The following SAMD12 variants were observed in gnomAD, a reference collection of about 807,000 sequenced individuals.
SAMD12 encodes the protein sterile alpha motif domain containing 12, also known as sterile alpha motif domain-containing protein 12.
A neutral mutation model predicts 15.0 loss-of-function variants in SAMD12; 9 were observed. That is an observed-to-expected ratio of 0.60 (90% CI 0.36 to 1.05). The LOEUF is 1.05. Ranked by LOEUF, SAMD12 falls within the 50% of genes least tolerant of loss-of-function variation. The pLI, the probability that SAMD12 is intolerant of heterozygous loss-of-function variation, is 0.01. For missense variants in SAMD12, 230 were observed against 234.2 expected (o/e 0.98, Z 0.12); for synonymous variants, 86 against 90.1 (o/e 0.96, Z 0.25).
chr8:118,186,952 G>A (rs552798783), downstream of SAMD12, among the ~76,000 whole-genome samples: 174 of 152,208 alleles, frequency 1.1e-3, no homozygotes, highest in Non-Finnish European at 1.9e-3. Context: ...CCACACACTC[G>A]GTTTTGGAAG....
intron 3 of SAMD12, among the ~76,000 whole-genome samples, chr8:118,415,033 C>T (rs1203214292): frequency 3.9e-5 from 6 of 152,178 alleles, no homozygotes; most frequent in African/African-American, 1.4e-4. Flanking sequence ...GCTTGCCTAT[C>T]AAAAGGAGAA....
intron 2 of SAMD12, among the ~76,000 whole-genome samples, chr8:118,576,331 G>A (rs56392556): frequency 0.017 from 2,578 of 152,246 alleles, 82 homozygotes; most frequent in African/African-American, 0.057. Flanking sequence ...CAATGGAGGT[G>A]AAAAGTAAAT....
intron 4 of SAMD12, among the ~76,000 whole-genome samples, chr8:118,346,652 C>G (rs976790482): frequency 1.3e-5 from 2 of 152,150 alleles, no homozygotes; most frequent in Non-Finnish European, 2.9e-5. Flanking sequence ...TTCTGCGATT[C>G]ACTAGGAGAA....
chr8:118,616,839 A>G (rs1828250742), intron 1 of SAMD12, among the ~76,000 whole-genome samples: 1 of 152,246 alleles, frequency 6.6e-6, no homozygotes, highest in Admixed American at 6.5e-5. Flanking sequence ...ACCTCCTGTC[A>G]GATCAACAGA....
intron 4 of SAMD12, among the ~76,000 whole-genome samples, chr8:118,369,541 C>T (rs1016199744): frequency 1.3e-5 from 2 of 151,990 alleles, no homozygotes; most frequent in Non-Finnish European, 2.9e-5. Context: ...CATGGTGAAA[C>T]CCCATCTCTA....
chr8:118,552,130 C>A (rs920643142), intron 2 of SAMD12, among the ~76,000 whole-genome samples: 1 of 152,186 alleles, frequency 6.6e-6, no homozygotes, highest in Non-Finnish European at 1.5e-5. Flanking sequence ...CCCTCTGAAA[C>A]TATTCCAATC....
chr8:118,318,274 C>T (rs1409551008), intron 4 of SAMD12, among the ~76,000 whole-genome samples: 2 of 138,512 alleles, frequency 1.4e-5, no homozygotes, highest in Admixed American at 7.4e-5. Flanking sequence ...TCACAATTGC[C>T]AATGAGTAGA....
chr8:118,273,318 C>A lies in SAMD12; in HGVS notation c.434-75586G>T, dbSNP rs553655489. The stretch of plus-strand genomic sequence containing the variant: ...TACGAGAACAGCATGAGGGTAACCA[C>A]GCCCATGATTAAATTACCTCCCACC... On this transcript the variant is annotated intron_variant, in intron 4 of 4. Coordinates refer to the SAMD12 transcript ENST00000409003. 4.3e-4 allele frequency among the ~76,000 whole-genome samples: 66 copies of A among 152,256 alleles called. 1 individual carries two copies. Among genetic ancestry groups the A allele is most frequent in the South Asian group, 2.9e-3 (14 of 4,824 alleles).
chr8:118,206,821 C>T (rs531822052), intron 4 of SAMD12, among the ~76,000 whole-genome samples: 103 of 152,320 alleles, frequency 6.8e-4, no homozygotes, highest in African/African-American at 2.6e-4. Context: ...TGCAGGGACA[C>T]TGATATTGCT....
At chr8:118,554,229 C>G (rs1350543821) in intron 2 of SAMD12, among the ~76,000 whole-genome samples, 1 of 152,300 alleles carries the variant, frequency 6.6e-6, no homozygotes, top group South Asian at 2.1e-4. Context: ...AAGACACATG[C>G]ACACGTATGT....
chr8:118,216,220 G>C (rs1281531519), intron 4 of SAMD12, among the ~76,000 whole-genome samples: 1 of 151,494 alleles, frequency 6.6e-6, no homozygotes, highest in Non-Finnish European at 1.5e-5. Flanking sequence ...GGCCAGTGAT[G>C]ATGAGCATTT....
At chr8:118,558,724 A>C (rs1227224080) in intron 2 of SAMD12, among the ~76,000 whole-genome samples, 1 of 151,674 alleles carries the variant, frequency 6.6e-6, no homozygotes, top group Non-Finnish European at 1.5e-5. Context: ...ACGCCCGGCT[A>C]ATTTTTTGTA....
intron 1 of SAMD12, among the ~76,000 whole-genome samples, chr8:118,610,697 T>C (rs980200958): frequency 2.6e-5 from 4 of 152,200 alleles, no homozygotes; most frequent in African/African-American, 4.8e-5. Flanking sequence ...GCACTGCTGA[T>C]AGATTAGAGA....
At chr8:118,480,633 GC>G (rs1824099915) in intron 2 of SAMD12, among the ~76,000 whole-genome samples, 2 of 152,046 alleles carry the variant, frequency 1.3e-5, no homozygotes, top group African/African-American at 4.8e-5. Context: ...ACTGACTTGG[GC>G]CCCCTCAAAA....
chr8:118,602,545 G>A (rs1563606935), intron 1 of SAMD12, among the ~76,000 whole-genome samples: 1 of 152,198 alleles, frequency 6.6e-6, no homozygotes, highest in Admixed American at 6.5e-5. Flanking sequence ...CATAGACATT[G>A]AAACATATCT....
intron 4 of SAMD12, among the ~76,000 whole-genome samples, chr8:118,304,544 G>A (rs1226244136): frequency 6.6e-6 from 1 of 152,034 alleles, no homozygotes; most frequent in Non-Finnish European, 1.5e-5. Flanking sequence ...TGGATCATGA[G>A]GTCAGGAGAT....
At chr8:118,424,978 G>A (rs999967182) in intron 3 of SAMD12, among the ~76,000 whole-genome samples, 23 of 147,912 alleles carry the variant, frequency 1.6e-4, no homozygotes, top group African/African-American at 4.5e-4. Context: ...TTGCTCTGTC[G>A]CCCAGGCTGG....
intron 2 of SAMD12, among the ~76,000 whole-genome samples, chr8:118,444,316 G>A (rs1288022013): frequency 6.7e-6 from 1 of 148,678 alleles, no homozygotes; most frequent in African/African-American, 2.6e-5. Flanking sequence ...TTATTTTGCT[G>A]CCCTGAAAGA....
chr8:118,271,281 T>A (rs1189619966), intron 4 of SAMD12, among the ~76,000 whole-genome samples: 5 of 152,094 alleles, frequency 3.3e-5, no homozygotes, highest in African/African-American at 1.2e-4. Context: ...AAGCCTCTTA[T>A]AAAACCATCA....
Sources: gnomAD v4.1 joint callset for allele counts (sites outside exome capture counted in the v4.1 genomes callset) on GRCh38, gnomAD v4.1.1 for gene constraint, MANE v1.5 for transcripts, NCBI Gene and HGNC (gene_info 2026-07-23, HGNC 2026-07-21) for gene names.